Variants in ALG14 observed in about 807,000 individuals in gnomAD.
The protein encoded by ALG14 is UDP-N-acetylglucosamine transferase subunit ALG14.
A neutral mutation model predicts 22.8 loss-of-function variants in ALG14; 17 were observed. The ratio of observed to expected loss-of-function variants is 0.75; its 90% CI spans 0.51 to 1.12. ALG14 has a LOEUF of 1.12. ALG14 is among the 50% of genes most tolerant of loss of function. The pLI, the probability that ALG14 is intolerant of heterozygous loss-of-function variation, is 0.00. For synonymous variants in ALG14, 89 were observed against 103.7 expected, an observed-to-expected ratio of 0.86 and a Z score of 0.86; for missense variants, 288 against 271.8, an observed-to-expected ratio of 1.06 and a Z score of -0.42.
chr1:95,013,735 G>T (rs977235547), intron 3 of ALG14, among the ~76,000 whole-genome samples: 2 of 152,026 alleles, frequency 1.3e-5, no homozygotes, highest in Non-Finnish European at 2.9e-5. Context: ...AGACAAAAGA[G>T]GTCAAACAAT....
At chr1:95,038,890 A>C (rs895943416) in intron 2 of ALG14, among the ~76,000 whole-genome samples, 10 of 151,710 alleles carry the variant, frequency 6.6e-5, no homozygotes, top group Non-Finnish European at 1.2e-4. Context: ...TGCTGATTTT[A>C]AAAAAACTTT....
At chr1:95,036,792 T>C (rs1216848020) in intron 2 of ALG14, among the ~76,000 whole-genome samples, 1 of 152,176 alleles carries the variant, frequency 6.6e-6, no homozygotes, top group African/African-American at 2.4e-5. Flanking sequence ...GAGAACAGAC[T>C]AATACAGTCC....
At chr1:95,002,257 C>T (rs1673089633) in intron 3 of ALG14, among the ~76,000 whole-genome samples, 1 of 151,878 alleles carries the variant, frequency 6.6e-6, no homozygotes, top group African/African-American at 2.4e-5. Context: ...GGGGGGGAAC[C>T]TGGAAGGTGG....
intron 2 of ALG14, among the ~76,000 whole-genome samples, chr1:95,047,497 C>T (rs565235231): frequency 6.6e-6 from 1 of 152,220 alleles, no homozygotes. Flanking sequence ...GCGCCCACCA[C>T]CACGCCCAGC....
At chr1:94,999,944 C>A (rs1673014997) in intron 3 of ALG14, among the ~76,000 whole-genome samples, 1 of 152,096 alleles carries the variant, frequency 6.6e-6, no homozygotes, top group South Asian at 2.1e-4. Context: ...AACCCTCCCA[C>A]CCACATTCCC....
At chr1:95,069,485 T>C (rs1675488079) in intron 1 of ALG14, among the ~76,000 whole-genome samples, 1 of 152,248 alleles carries the variant, frequency 6.6e-6, no homozygotes, top group Non-Finnish European at 1.5e-5. Flanking sequence ...TGGCTTTTTC[T>C]CTTTGGTGTA....
intron 3 of ALG14, among the ~76,000 whole-genome samples, chr1:94,986,807 A>C (rs1571574185): frequency 4.4e-5 from 6 of 136,832 alleles, no homozygotes; most frequent in South Asian, 2.3e-4. Context: ...CACATCCATC[A>C]CCTTTTCCTC....
At chr1:95,056,194 T>C (rs1460107173) in intron 2 of ALG14, among the ~76,000 whole-genome samples, 6 of 152,100 alleles carry the variant, frequency 3.9e-5, no homozygotes, top group Non-Finnish European at 8.8e-5. Flanking sequence ...GACCTATACA[T>C]ACACAAAAAC....
chr1:95,020,467 A>C (rs1181973314), intron 3 of ALG14, among the ~76,000 whole-genome samples: 1 of 151,212 alleles, frequency 6.6e-6, no homozygotes, highest in South Asian at 2.1e-4. Context: ...GGCCAGGCGC[A>C]GTGGCTCACT....
Position 94,982,839 on chromosome 1 carries a change from A to T in ALG14, c.*237T>A. ...GGTAGTAATACATATTTTTATCTAG[A>T]AAAGAAATTTGGTTTACAGAGGCAT... On this transcript the variant is annotated 3_prime_UTR_variant, in exon 4 of 4. Transcript: ENST00000370205. 1 of 441,520 alleles carries T rather than the reference A, an allele frequency of 2.3e-6. No homozygotes were observed. 27.4% of individuals were successfully genotyped at this position (441,520 alleles called of 1,614,324 possible). A position where few individuals can be genotyped will look rare whatever the true frequency, so the allele number is the denominator to read the frequency against.
chr1:95,019,242 G>A (rs933946089), intron 3 of ALG14, among the ~76,000 whole-genome samples: 1 of 152,164 alleles, frequency 6.6e-6, no homozygotes, highest in African/African-American at 2.4e-5. Flanking sequence ...GCAAACACGT[G>A]AAACTTATAA....
At chr1:95,049,859 A>G (rs1674688268) in intron 2 of ALG14, among the ~76,000 whole-genome samples, 1 of 152,170 alleles carries the variant, frequency 6.6e-6, no homozygotes, top group Admixed American at 6.5e-5. Flanking sequence ...TGACAAAGAG[A>G]GATCCCGTCC....
At chr1:95,035,260 C>G (rs564940280) in intron 2 of ALG14, among the ~76,000 whole-genome samples, 1 of 152,252 alleles carries the variant, frequency 6.6e-6, no homozygotes, top group East Asian at 1.9e-4. Flanking sequence ...TGTGTATATC[C>G]TGCAAAATTT....
At chr1:95,043,054 T>G (rs1385767641) in intron 2 of ALG14, among the ~76,000 whole-genome samples, 1 of 151,822 alleles carries the variant, frequency 6.6e-6, no homozygotes, top group Non-Finnish European at 1.5e-5. Flanking sequence ...AGCCAAGGGG[T>G]TTTTTTTGTT....
chr1:95,050,565 G>C (rs1036367525), intron 2 of ALG14, among the ~76,000 whole-genome samples: 1 of 152,100 alleles, frequency 6.6e-6, no homozygotes, highest in African/African-American at 2.4e-5. Flanking sequence ...AATTTAATCT[G>C]AACCAGGAAG....
At chr1:95,064,824 G>A (rs1419015297) in intron 2 of ALG14, 42 bp downstream of exon 2, 12 of 1,581,562 alleles carry the variant, frequency 7.6e-6, no homozygotes, top group Non-Finnish European at 1.0e-5. Context: ...TAAACTCAAT[G>A]TGCAACTTGT....
In ALG14 at chr1:94,978,106, C is replaced by A. The variant is rs1672429781; in HGVS notation, c.*4970G>T. 6.6e-6 allele frequency: 1 copy of A among 151,736 alleles called. No individual in the cohort carries two copies. The highest frequency in any genetic ancestry group is 1.5e-5 in the Non-Finnish European group (1 of 67,994). The allele number at this position is 151,736 out of a possible 1,614,324, so 9.4% of individuals were successfully genotyped here. A position where few individuals can be genotyped will look rare whatever the true frequency, so the allele number is the denominator to read the frequency against. On this transcript the variant is annotated 3_prime_UTR_variant, in exon 4 of 4. Transcript: ENST00000370205. ...TGAGGTGGAGTCTCGCTCTGTCCCCCAGGCTGGAGTGCAGTGGTGCCATCT... is the reference window on the plus strand; with the variant it reads ...TGAGGTGGAGTCTCGCTCTGTCCCCAAGGCTGGAGTGCAGTGGTGCCATCT...
At chr1:95,058,315 A>G (rs1279605770) in intron 2 of ALG14, among the ~76,000 whole-genome samples, 1 of 137,920 alleles carries the variant, frequency 7.3e-6, no homozygotes, top group Non-Finnish European at 1.6e-5. Flanking sequence ...AAAAAAAAAG[A>G]TATTTTCAGA....
chr1:94,996,373 AAGAGGAAAAGC>A (rs1421892888), intron 3 of ALG14, among the ~76,000 whole-genome samples: 1 of 152,186 alleles, frequency 6.6e-6, no homozygotes, highest in African/African-American at 2.4e-5. Context: ...GTGTGTGTTA[AAGAGGAAAAGC>A]AGTGGGAAGA....
Sources: gnomAD v4.1 joint callset for allele counts (sites outside exome capture counted in the v4.1 genomes callset) on GRCh38, gnomAD v4.1.1 for gene constraint, MANE v1.5 for transcripts, NCBI Gene and HGNC (gene_info 2026-07-23, HGNC 2026-07-21) for gene names.